Variants in HIPK2 observed in about 807,000 individuals in gnomAD.
The protein encoded by HIPK2 is homeodomain interacting protein kinase 2.
In HIPK2, 27 loss-of-function variants were observed where a neutral mutation model predicts 113.7. The observed-to-expected ratio is 0.24, with a 90% CI of 0.17 to 0.33. HIPK2 has a LOEUF of 0.33. Among genes scored for constraint, HIPK2 ranks in the 10% least tolerant of loss-of-function variants. HIPK2 has a pLI of 1.00. For synonymous variants in HIPK2, 631 were observed against 642.2 expected, an observed-to-expected ratio of 0.98 and a Z score of 0.26; for missense variants, 1,257 against 1,588.0, an observed-to-expected ratio of 0.79 and a Z score of 3.54.
At chr7:139,575,747 C>T (rs181628788) in intron 13 of HIPK2, among the ~76,000 whole-genome samples, 34 of 152,340 alleles carry the variant, frequency 2.2e-4, no homozygotes, top group Middle Eastern at 3.4e-3. Context: ...GTCCTGAGGG[C>T]AGAGCCCTCA....
rs1798308175 is a variant in HIPK2, at chr7:139,572,286, G to C, written c.*641C>G. ...CTTTCCTGACTAGGGAGCCCGGACT[G>C]GGCTTCGCCAATCCCACACCAGCTC... On this transcript the variant is annotated 3_prime_UTR_variant, in exon 15 of 15. Transcript: ENST00000406875. 1 of 152,226 alleles carries C rather than the reference G, an allele frequency of 6.6e-6. No individual in the cohort carries two copies. Among genetic ancestry groups the C allele is most frequent in the Admixed American group, 6.5e-5 (1 of 15,288 alleles). 9.4% of individuals were successfully genotyped at this position (152,226 alleles called of 1,614,324 possible).
At chr7:139,750,036 A>C (rs1054511693) in intron 1 of HIPK2, among the ~76,000 whole-genome samples, 1 of 152,186 alleles carries the variant, frequency 6.6e-6, no homozygotes, top group Admixed American at 6.5e-5. Context: ...GCCTCTGTCT[A>C]TCTGCTCCTT....
At chr7:139,668,089 G>A (rs1412608044) in intron 2 of HIPK2, among the ~76,000 whole-genome samples, 2 of 145,028 alleles carry the variant, frequency 1.4e-5, no homozygotes, top group Non-Finnish European at 3.0e-5. Flanking sequence ...TCAAACCATT[G>A]CACTCCAGCC....
intron 1 of HIPK2, among the ~76,000 whole-genome samples, chr7:139,749,637 C>T (rs762465752): frequency 1.3e-5 from 2 of 152,168 alleles, no homozygotes; most frequent in African/African-American, 4.8e-5. Context: ...GGTAAGACGC[C>T]GCTATTATCC....
chr7:139,573,841 C>T (rs1585225188), intron 14 of HIPK2, among the ~76,000 whole-genome samples: 3 of 149,054 alleles, frequency 2.0e-5, no homozygotes, highest in African/African-American at 7.4e-5. Flanking sequence ...GAGTGAAACT[C>T]TGTCTCAAAA....
At chr7:139,772,604 T>C (rs539984420) in intron 1 of HIPK2, among the ~76,000 whole-genome samples, 2 of 152,326 alleles carry the variant, frequency 1.3e-5, no homozygotes, top group Non-Finnish European at 2.9e-5. Flanking sequence ...TATTTATTTA[T>C]TGAGAAAGAC....
At chr7:139,768,719 C>T (rs970972316) in intron 1 of HIPK2, among the ~76,000 whole-genome samples, 2 of 152,206 alleles carry the variant, frequency 1.3e-5, no homozygotes, top group African/African-American at 4.8e-5. Flanking sequence ...AACTCAGGAG[C>T]TTCCGTATGC....
chr7:139,765,696 T>C (rs1377456585), intron 1 of HIPK2, among the ~76,000 whole-genome samples: 1 of 152,232 alleles, frequency 6.6e-6, no homozygotes, highest in South Asian at 2.1e-4. Flanking sequence ...TGCTCTCATA[T>C]AGTCCCATTC....
At chr7:139,769,457 AC>A (rs1455577017) in intron 1 of HIPK2, among the ~76,000 whole-genome samples, 2 of 152,246 alleles carry the variant, frequency 1.3e-5, no homozygotes, top group Non-Finnish European at 2.9e-5. Flanking sequence ...ACAAAATGTC[AC>A]TTGAATTAGA....
intron 2 of HIPK2, among the ~76,000 whole-genome samples, chr7:139,676,202 C>T (rs1396247212): frequency 1.3e-5 from 2 of 152,216 alleles, no homozygotes; most frequent in African/African-American, 2.4e-5. Context: ...ATCTACTCAT[C>T]TCTGCTGACG....
intron 1 of HIPK2, among the ~76,000 whole-genome samples, chr7:139,762,484 G>T (rs1796482887): frequency 6.6e-6 from 1 of 152,188 alleles, no homozygotes; most frequent in South Asian, 2.1e-4. Flanking sequence ...TCAAGTCCCA[G>T]GGAGAAAACT....
At chr7:139,603,465 G>A (rs1404516345) in intron 10 of HIPK2, among the ~76,000 whole-genome samples, 1 of 152,094 alleles carries the variant, frequency 6.6e-6, no homozygotes, top group Non-Finnish European at 1.5e-5. Context: ...AGATGCAGGG[G>A]GTATGCTGTG....
intron 2 of HIPK2, among the ~76,000 whole-genome samples, chr7:139,690,325 C>T (rs955189793): frequency 4.6e-5 from 7 of 152,156 alleles, no homozygotes; most frequent in African/African-American, 1.7e-4. Flanking sequence ...TAGGGACATA[C>T]AGCAGGCTGT....
chr7:139,767,136 CT>C lies in HIPK2; in HGVS notation c.19+10468del, dbSNP rs576417447. Among the ~76,000 whole-genome samples, 214 of 152,350 alleles carry C rather than the reference CT, an allele frequency of 1.4e-3. 4 individuals carry two copies. The highest frequency in any genetic ancestry group is 0.011 in the Admixed American group (176 of 15,306). On this transcript the variant is annotated intron_variant, in intron 1 of 14. Transcript: ENST00000406875. ...ACCATCTGATTCTAAATATTTCTGA[CT>C]TTTTGTTCTGAATGTACTCTTCCAA...
At chr7:139,727,895 A>G (rs1205756032) in intron 1 of HIPK2, among the ~76,000 whole-genome samples, 1 of 151,658 alleles carries the variant, frequency 6.6e-6, no homozygotes, top group Admixed American at 6.6e-5. Context: ...AAATAAAACA[A>G]TTCAAAGAAT....
At position 139,717,015 on chromosome 7, in the gene HIPK2, C is replaced by G; in HGVS notation, c.20G>C (p.Gly7Ala). 6.2e-7 allele frequency: 1 copy of G among 1,602,944 alleles called. No individual in the cohort carries two copies. The highest frequency in any genetic ancestry group is 8.5e-7 in the Non-Finnish European group (1 of 1,171,670). The change falls in exon 2 of 15, where the codon GGT (glycine) becomes GCT (alanine). Residue 7 changes from glycine (G) to alanine (A), a missense_variant and splice_region_variant. Physicochemically the swap from Gly to Ala is moderately conservative, Grantham distance 60. Around this residue, in one of 5 missense-constraint regions of HIPK2, gnomAD observed 209 missense variants for 237.8 expected, o/e 0.88. Transcript: ENST00000406875. MAPVYE[G>A]MASHVQVFSP... ...GAAAACTTGCACATGTGAGGCCATACCTACAAGGAAAGGAAAACGAAAAGT... is the reference window on the plus strand; with the variant it reads ...GAAAACTTGCACATGTGAGGCCATAGCTACAAGGAAAGGAAAACGAAAAGT...
At chr7:139,666,131 C>A (rs1367717918) in intron 2 of HIPK2, among the ~76,000 whole-genome samples, 1 of 152,044 alleles carries the variant, frequency 6.6e-6, no homozygotes, top group East Asian at 1.9e-4. Flanking sequence ...ACATGGTAGC[C>A]TGTTTCGGGA....
At chr7:139,574,247 T>C (rs1303553501) in intron 14 of HIPK2, among the ~76,000 whole-genome samples, 1 of 152,118 alleles carries the variant, frequency 6.6e-6, no homozygotes, top group African/African-American at 2.4e-5. Context: ...TGGTGGCTCA[T>C]GCCTGTAGTC....
chr7:139,774,726 C>G (rs539008575), intron 1 of HIPK2, among the ~76,000 whole-genome samples: 9 of 152,242 alleles, frequency 5.9e-5, no homozygotes, highest in Middle Eastern at 3.4e-3. Context: ...TCATTCAGAA[C>G]CCATAATAGA....
Sources: allele counts gnomAD v4.1 joint callset (sites outside exome capture counted in the v4.1 genomes callset), GRCh38; gene constraint gnomAD v4.1.1; regional missense constraint gnomAD v4.1.1; transcripts MANE v1.5; gene names NCBI Gene and HGNC (gene_info 2026-07-23, HGNC 2026-07-21).